The following TASP1 variants were observed in gnomAD, a reference collection of about 807,000 sequenced individuals.
The protein encoded by TASP1 is taspase 1.
A neutral mutation model predicts 56.6 loss-of-function variants in TASP1; 16 were observed. The observed-to-expected ratio is 0.28, with a 90% CI of 0.19 to 0.43. The LOEUF is 0.43. Among genes scored for constraint, TASP1 ranks in the 20% least tolerant of loss-of-function variants. TASP1 has a pLI of 1.00. For missense variants in TASP1, 393 were observed against 511.6 expected, an observed-to-expected ratio of 0.77 and a Z score of 2.24; for synonymous variants, 179 against 184.2, an observed-to-expected ratio of 0.97 and a Z score of 0.23.
the TASP1 span, among the ~76,000 whole-genome samples, chr20:13,245,708 T>C: frequency 6.6e-6 from 1 of 152,174 alleles, no homozygotes; most frequent in Non-Finnish European, 1.5e-5. Context: ...TTCTCATTTC[T>C]CTCCTTTCAT....
chr20:13,580,977 G>A lies in TASP1; in HGVS notation c.408C>T (p.Ile136=), dbSNP rs150096564. 2,952 of 1,554,278 alleles carry A rather than the reference G, an allele frequency of 1.9e-3. 4 individuals are homozygous for A. The highest frequency in any genetic ancestry group is 2.4e-3 in the Non-Finnish European group (2,785 of 1,144,336). ...NFGAVGALSG[I]KNPVSVANRL... ...TGTTGGCAACCGAGACTGGGTTCTT[G>A]ATTCCTATAAAAAAAAAAAAAAAAT... The change falls in exon 6 of 14, where the codon ATC becomes ATT. Residue 136 remains isoleucine (I), a synonymous_variant. Coordinates refer to ENST00000337743, the MANE Select transcript of TASP1 (RefSeq NM_017714.3).
the TASP1 span, among the ~76,000 whole-genome samples, chr20:13,281,272 T>C: frequency 2.5e-3 from 384 of 152,232 alleles, no homozygotes; most frequent in African/African-American, 9.1e-3. Flanking sequence ...AATAGTGCCA[T>C]GGTAGAGATG....
At chr20:13,253,970 C>A in the TASP1 span, among the ~76,000 whole-genome samples, 1 of 151,176 alleles carries the variant, frequency 6.6e-6, no homozygotes, top group Non-Finnish European at 1.5e-5. Context: ...ATAATCCCAG[C>A]ACCTTGGGAG....
chr20:13,222,202 G>C, the TASP1 span, among the ~76,000 whole-genome samples: 2 of 152,148 alleles, frequency 1.3e-5, no homozygotes, highest in Non-Finnish European at 2.9e-5. Flanking sequence ...AGCGAGGTTT[G>C]GGATGAGCAG....
chr20:13,561,776 T>C (rs4814242), intron 7 of TASP1, among the ~76,000 whole-genome samples: 54,641 of 151,978 alleles, frequency 0.36, 10,634 homozygotes, highest in Non-Finnish European at 0.43. Flanking sequence ...GACAGAGCTG[T>C]ATAAGAACAG....
chr20:13,351,591 A>G, the TASP1 span, among the ~76,000 whole-genome samples: 1 of 152,224 alleles, frequency 6.6e-6, no homozygotes, highest in African/African-American at 2.4e-5. Context: ...AGGTAAAACT[A>G]TAGGAACTGA....
intron 10 of TASP1, among the ~76,000 whole-genome samples, chr20:13,502,881 A>T (rs1438712496): frequency 1.3e-5 from 2 of 152,152 alleles, no homozygotes; most frequent in East Asian, 1.9e-4. Context: ...CACTGAAGAG[A>T]CTAAGAAGAG....
At chr20:13,154,203 C>T in the TASP1 span, 1 of 1,592,732 alleles carries the variant, frequency 6.3e-7, no homozygotes, top group Non-Finnish European at 8.6e-7. Context: ...GGCTTTTTGG[C>T]ACAGGCGTTA....
the TASP1 span, among the ~76,000 whole-genome samples, chr20:13,238,832 A>G: frequency 6.6e-5 from 10 of 152,290 alleles, no homozygotes; most frequent in Non-Finnish European, 1.0e-4. Context: ...AGAGGATACA[A>G]CGTTCTAAAG....
the TASP1 span, among the ~76,000 whole-genome samples, chr20:13,124,234 C>T: frequency 1.3e-5 from 2 of 152,058 alleles, no homozygotes; most frequent in Non-Finnish European, 2.9e-5. Flanking sequence ...TCTATCCTCC[C>T]TCCCCTCCTG....
the TASP1 span, among the ~76,000 whole-genome samples, chr20:13,327,357 A>G: frequency 6.6e-6 from 1 of 152,186 alleles, no homozygotes; most frequent in Non-Finnish European, 1.5e-5. Flanking sequence ...GGAAGAATCA[A>G]TATCATGAAA....
At chr20:13,441,427 G>A (rs2043208267) in intron 11 of TASP1, among the ~76,000 whole-genome samples, 1 of 152,098 alleles carries the variant, frequency 6.6e-6, no homozygotes, top group South Asian at 2.1e-4. Context: ...AAATGAACCA[G>A]GTAAATGATG....
At chr20:13,318,090 GA>G in the TASP1 span, among the ~76,000 whole-genome samples, 1 of 148,932 alleles carries the variant, frequency 6.7e-6, no homozygotes, top group African/African-American at 2.5e-5. Context: ...TCAACAATAA[GA>G]ACACAAACAA....
At chr20:13,134,057 A>T in the TASP1 span, among the ~76,000 whole-genome samples, 1 of 152,204 alleles carries the variant, frequency 6.6e-6, no homozygotes, top group African/African-American at 2.4e-5. Context: ...TGTCTGCCAT[A>T]CAGGGTCATT....
chr20:13,373,456 GTT>G, the TASP1 span, among the ~76,000 whole-genome samples: 69,154 of 143,526 alleles, frequency 0.48, 17,692 homozygotes, highest in Non-Finnish European at 0.58. Flanking sequence ...AATTCTTTCA[GTT>G]TTTTTTTTTT....
chr20:13,185,557 C>T, the TASP1 span, among the ~76,000 whole-genome samples: 7 of 152,064 alleles, frequency 4.6e-5, no homozygotes, highest in Admixed American at 4.6e-4. Flanking sequence ...AGAATTGTCC[C>T]TATTATTGAA....
chr20:13,351,814 T>A, the TASP1 span, among the ~76,000 whole-genome samples: 2,691 of 152,326 alleles, frequency 0.018, 76 homozygotes, highest in African/African-American at 0.059. Context: ...AAGCTTTGTG[T>A]CACCATAGAA....
chr20:13,289,659 AAGG>A, the TASP1 span, among the ~76,000 whole-genome samples: 8 of 146,350 alleles, frequency 5.5e-5, no homozygotes, highest in Admixed American at 3.4e-4. Context: ...GGAGGAAGAG[AAGG>A]AGGAGGAGGA....
the TASP1 span, chr20:13,288,443 G>A: frequency 1.4e-5 from 19 of 1,312,036 alleles, no homozygotes; most frequent in African/African-American, 5.8e-5. Flanking sequence ...CTCCCACAGC[G>A]AGAAGGATAG....
Sources: gnomAD v4.1 joint callset for allele counts (sites outside exome capture counted in the v4.1 genomes callset) on GRCh38, gnomAD v4.1.1 for gene constraint, MANE v1.5 for transcripts, NCBI Gene and HGNC (gene_info 2026-07-23, HGNC 2026-07-21) for gene names.